The following RPS6KC1 variants were observed in gnomAD, a reference collection of about 807,000 sequenced individuals.
RPS6KC1 encodes inactive ribosomal protein S6 kinase delta-1.
Under a neutral mutation model 103.8 loss-of-function variants are expected in RPS6KC1, and 54 were observed. The observed-to-expected ratio is 0.52, with a 90% CI of 0.42 to 0.65. The LOEUF (loss-of-function observed/expected upper bound fraction) is 0.65. Among genes scored for constraint, RPS6KC1 ranks in the 30% least tolerant of loss-of-function variants. The pLI, the probability that RPS6KC1 is intolerant of heterozygous loss-of-function variation, is 0.00. For missense variants in RPS6KC1, 1,151 were observed against 1,253.8 expected, an observed-to-expected ratio of 0.92 and a Z score of 1.24; for synonymous variants, 439 against 438.7, an observed-to-expected ratio of 1.00 and a Z score of -0.01.
At chr1:213,564,099 G>A in the RPS6KC1 span, among the ~76,000 whole-genome samples, 3 of 151,032 alleles carry the variant, frequency 2.0e-5, no homozygotes, top group Non-Finnish European at 4.4e-5. Context: ...GTCTGAAAAA[G>A]TCTTAACTTA....
chr1:213,142,408 G>C (rs1032688131), intron 6 of RPS6KC1, among the ~76,000 whole-genome samples: 2 of 151,956 alleles, frequency 1.3e-5, no homozygotes, highest in African/African-American at 2.4e-5. Flanking sequence ...GAGCTAGTAC[G>C]GTCTTTTGGA....
At chr1:213,654,811 A>G in the RPS6KC1 span, among the ~76,000 whole-genome samples, 4 of 152,222 alleles carry the variant, frequency 2.6e-5, no homozygotes, top group South Asian at 2.1e-4. Flanking sequence ...GTTTCCAAAC[A>G]TAAATATTTA....
chr1:213,369,924 C>T, the RPS6KC1 span, among the ~76,000 whole-genome samples: 380 of 151,686 alleles, frequency 2.5e-3, 1 homozygote, highest in African/African-American at 9.0e-3. Context: ...CCACAGTGGT[C>T]CAGCCTGCAA....
chr1:213,361,863 A>G, the RPS6KC1 span, among the ~76,000 whole-genome samples: 1 of 152,174 alleles, frequency 6.6e-6, no homozygotes, highest in Non-Finnish European at 1.5e-5. Flanking sequence ...TTTGAAACAA[A>G]CAAAAAGCTG....
chr1:213,575,865 T>C, the RPS6KC1 span, among the ~76,000 whole-genome samples: 1 of 152,182 alleles, frequency 6.6e-6, no homozygotes, highest in Non-Finnish European at 1.5e-5. Flanking sequence ...CAGCTCAATA[T>C]GAGGATGCTG....
the RPS6KC1 span, among the ~76,000 whole-genome samples, chr1:213,457,012 TAGGACTCAAGA>T: frequency 0.012 from 1,756 of 152,332 alleles, 21 homozygotes; most frequent in African/African-American, 0.036. Flanking sequence ...TAATCTGGGC[TAGGACTCAAGA>T]AGGACTTCCT....
At chr1:213,103,871 C>G (rs2082236759) in intron 3 of RPS6KC1, among the ~76,000 whole-genome samples, 1 of 152,154 alleles carries the variant, frequency 6.6e-6, no homozygotes, top group Non-Finnish European at 1.5e-5. Flanking sequence ...TTTTGATCAC[C>G]TTGTAAAGCA....
At chr1:213,185,548 C>T (rs960919824) in intron 8 of RPS6KC1, among the ~76,000 whole-genome samples, 7 of 151,768 alleles carry the variant, frequency 4.6e-5, no homozygotes, top group Admixed American at 3.9e-4. Flanking sequence ...CGTGGGAGGC[C>T]GAGGCAGGAG....
the RPS6KC1 span, among the ~76,000 whole-genome samples, chr1:213,468,600 C>A: frequency 0.86 from 130,945 of 152,228 alleles, 56,427 homozygotes; most frequent in East Asian, 0.98. Context: ...TACAAACTTA[C>A]GAATTAATCC....
At chr1:213,328,543 A>ATATATATATATATAT in the RPS6KC1 span, among the ~76,000 whole-genome samples, 6 of 88,664 alleles carry the variant, frequency 6.8e-5, no homozygotes, top group African/African-American at 1.4e-4. Flanking sequence ...TATATATATC[A>ATATATATATATATAT]CACACACACG....
chr1:213,099,683 GA>G (rs2081836183), intron 3 of RPS6KC1, among the ~76,000 whole-genome samples: 1 of 152,032 alleles, frequency 6.6e-6, no homozygotes, highest in African/African-American at 2.4e-5. Context: ...AAGCTACCCA[GA>G]AGGAACTTTT....
At chr1:213,548,215 G>T in the RPS6KC1 span, among the ~76,000 whole-genome samples, 53 of 152,318 alleles carry the variant, frequency 3.5e-4, no homozygotes, top group Non-Finnish European at 5.0e-4. Flanking sequence ...CAGATACTGT[G>T]TTGGGCAAAG....
chr1:213,476,146 T>C, the RPS6KC1 span, among the ~76,000 whole-genome samples: 1 of 152,140 alleles, frequency 6.6e-6, no homozygotes, highest in East Asian at 1.9e-4. Context: ...GACCTCACTT[T>C]CTGGAAACCT....
intron 1 of RPS6KC1, among the ~76,000 whole-genome samples, chr1:213,067,908 G>C (rs917906069): frequency 1.3e-5 from 2 of 152,172 alleles, no homozygotes; most frequent in Admixed American, 6.5e-5. Context: ...CTCATCTGAA[G>C]AAAACCAAAA....
At chr1:213,501,737 AAAAAAAAAAG>A in the RPS6KC1 span, among the ~76,000 whole-genome samples, 2 of 152,016 alleles carry the variant, frequency 1.3e-5, no homozygotes, top group Admixed American at 1.3e-4. Context: ...TCCATCAAAA[AAAAAAAAAAG>A]AAAAAAAAGA....
chr1:213,099,283 T>C (rs2081787628), intron 3 of RPS6KC1, among the ~76,000 whole-genome samples: 1 of 152,224 alleles, frequency 6.6e-6, no homozygotes, highest in Non-Finnish European at 1.5e-5. Flanking sequence ...TACTATTTTT[T>C]TCTTTGTAGT....
the RPS6KC1 span, among the ~76,000 whole-genome samples, chr1:213,577,828 G>A: frequency 1.1e-4 from 16 of 152,190 alleles, no homozygotes; most frequent in African/African-American, 3.9e-4. Flanking sequence ...TGTTTAAAAG[G>A]GAAGCAGAGC....
the RPS6KC1 span, among the ~76,000 whole-genome samples, chr1:213,826,728 C>T: frequency 2.0e-5 from 3 of 152,124 alleles, no homozygotes; most frequent in Non-Finnish European, 4.4e-5. Flanking sequence ...GATCTAAGGA[C>T]TGTACATTTA....
At chr1:213,698,795 A>G in the RPS6KC1 span, among the ~76,000 whole-genome samples, 1 of 151,982 alleles carries the variant, frequency 6.6e-6, no homozygotes, top group Non-Finnish European at 1.5e-5. Flanking sequence ...TTTCTTATGT[A>G]TGTACCCTTC....
Sources: allele counts gnomAD v4.1 joint callset (sites outside exome capture counted in the v4.1 genomes callset), GRCh38; gene constraint gnomAD v4.1.1; transcripts MANE v1.5; gene names NCBI Gene and HGNC (gene_info 2026-07-23, HGNC 2026-07-21).